SQSTM1: variants seen among roughly 807,000 people sequenced by gnomAD.
SQSTM1 encodes the protein sequestosome-1.
In SQSTM1, 36 loss-of-function variants were observed where a neutral mutation model predicts 45.1. That is an observed-to-expected ratio of 0.80 (90% confidence interval 0.61 to 1.05). The LOEUF is 1.05. SQSTM1 is among the 50% of genes least tolerant of loss of function. The probability of loss-of-function intolerance (pLI) is 0.00; values close to 1 mark genes in which losing one functional copy is unlikely to be tolerated. For synonymous variants in SQSTM1, 290 were observed against 244.3 expected (o/e 1.19, Z -1.74); for missense variants, 617 against 607.1 (o/e 1.02, Z -0.17).
At chr5:179,827,794 A>C (rs927566955) in intron 5 of SQSTM1, among the ~76,000 whole-genome samples, 8 of 152,236 alleles carry the variant, frequency 5.3e-5, no homozygotes, top group Non-Finnish European at 4.4e-5. Context: ...TATAAGCTGG[A>C]TGACTCACAG....
chr5:179,820,829 G>T, upstream of SQSTM1: 1 of 1,129,526 alleles, frequency 8.9e-7, no homozygotes, highest in South Asian at 1.9e-5. Context: ...GGGAGGGCGC[G>T]AGAGACTCCG....
chr5:179,808,318 G>C lies in SQSTM1; in HGVS notation c.-157+1727G>C, dbSNP rs187853840. The C allele has an allele frequency of 7.9e-5, 12 of 152,424 alleles. No homozygotes were observed. In the East Asian group the frequency reaches 2.1e-3, roughly 27 times the overall value. The allele number at this position is 152,424 out of a possible 1,614,324, so 9.4% of individuals were successfully genotyped here. On this transcript the variant is annotated intron_variant, in intron 1 of 5. Coordinates refer to the SQSTM1 transcript ENST00000514093. ...CAGAGGTTGAAGTGGGCTGGATCCT[G>C]AGGCCCCCTGTTAAAGGAGAGGGCT...
chr5:179,806,542 G>C lies in SQSTM1; in HGVS notation c.-206G>C, dbSNP rs538699566. 3.7e-6 allele frequency: 5 copies of C among 1,334,580 alleles called. No homozygotes were observed. Among genetic ancestry groups the C allele is most frequent in the Non-Finnish European group, 4.9e-6 (5 of 1,017,010 alleles). The allele number at this position is 1,334,580 out of a possible 1,614,324, so 82.7% of individuals were successfully genotyped here. On this transcript the variant is annotated 5_prime_UTR_variant, in exon 1 of 6. Coordinates refer to the SQSTM1 transcript ENST00000514093. The surrounding 1 kb of genome is among the most constrained non-coding windows in gnomAD (Gnocchi z 4.6). ...ACAGCGAGAGGAAGGCGCACAGGCA[G>C]AAGAGCAGCAGCGTCAGGAAGGTGC...
At chr5:179,820,365 C>T (rs1750869595), upstream of SQSTM1, 1 of 152,660 alleles carries the variant, frequency 6.6e-6, no homozygotes, top group Middle Eastern at 3.4e-3. Flanking sequence ...ATGCGCTGCC[C>T]ATCACCGAGG....
In SQSTM1 at chr5:179,836,477, T is replaced by G. The variant is rs771657338; in HGVS notation, c.1207T>G (p.Ser403Ala). The G allele has an allele frequency of 6.2e-7, 1 of 1,614,036 alleles. No individual in the cohort carries two copies. Among genetic ancestry groups the G allele is most frequent in the Admixed American group, 1.7e-5 (1 of 59,992 alleles). Residue 403 changes from serine (S) to alanine (A), a missense_variant, in exon 8 of 8, where the codon TCC becomes GCC. Coordinates refer to ENST00000389805, the MANE Select transcript of SQSTM1 (RefSeq NM_003900.5). ...GATTGAGTCCCTCTCCCAGATGCTG[T>G]CCATGGGCTTCTCTGATGAAGGCGG... ...RLIESLSQML[S>A]MGFSDEGGWL... is the part of the protein sequence containing the mutation.
intron 5 of SQSTM1, among the ~76,000 whole-genome samples, chr5:179,826,640 G>A (rs183109827): frequency 1.3e-3 from 184 of 142,068 alleles, no homozygotes; most frequent in African/African-American, 4.5e-3. Flanking sequence ...CACCCTTGTC[G>A]CCTAGGCTGG....
intron 5 of SQSTM1, 65 bp downstream of exon 5, chr5:179,825,291 G>C: frequency 7.4e-7 from 1 of 1,350,802 alleles, no homozygotes; most frequent in Non-Finnish European, 1.1e-6. Context: ...CTTTCACCTG[G>C]AATACTGCAA....
At chr5:179,826,598 G>GTTTTTTTTTTTTTT (rs549477595) in intron 5 of SQSTM1, among the ~76,000 whole-genome samples, 1 of 142,252 alleles carries the variant, frequency 7.0e-6, no homozygotes, top group African/African-American at 2.6e-5. Flanking sequence ...TCGCTAGTCT[G>GTTTTTTTTTTTTTT]TTTTTTTTTT....
At chr5:179,815,455 G>A (rs1454064699), upstream of SQSTM1, among the ~76,000 whole-genome samples, 1 of 151,968 alleles carries the variant, frequency 6.6e-6, no homozygotes, top group East Asian at 1.9e-4. Flanking sequence ...GCAGGCATGG[G>A]GTATACGTCA....
Position 179,836,638 on chromosome 5 carries a change from G to C in SQSTM1, c.*45G>C, listed in dbSNP as rs1758574994. On this transcript the variant is annotated 3_prime_UTR_variant, in exon 8 of 8. Transcript: ENST00000389805. The stretch of plus-strand genomic sequence containing the variant: ...CTGCGTGCCCCTCTTCTGTCTCATA[G>C]TTGTGTTAAGCTTGCGTAGAATTGC... The C allele has an allele frequency of 6.2e-7, 1 of 1,613,876 alleles. No homozygotes were observed.
intron 4 of SQSTM1, among the ~76,000 whole-genome samples, 167 bp from the exon 5 acceptor site, chr5:179,824,979 G>A (rs186133537): frequency 6.6e-6 from 1 of 152,074 alleles, no homozygotes; most frequent in Non-Finnish European, 1.5e-5. Context: ...GGGCCAGGGG[G>A]TGCAGAGTGG....
chr5:179,827,386 G>A (rs1217863907), intron 5 of SQSTM1, among the ~76,000 whole-genome samples: 5 of 152,162 alleles, frequency 3.3e-5, no homozygotes, highest in Admixed American at 6.5e-5. Flanking sequence ...CTGGGTTCAC[G>A]CCATTCTCCT....
chr5:179,816,008 GA>G (rs1757566336), upstream of SQSTM1, among the ~76,000 whole-genome samples: 1 of 152,168 alleles, frequency 6.6e-6, no homozygotes, highest in Non-Finnish European at 1.5e-5. Context: ...TCGGGAGGCT[GA>G]GGGGGAAGAG....
At chr5:179,813,422 A>G (rs1376687096) in intron 2 of SQSTM1, 1 of 152,210 alleles carries the variant, frequency 6.6e-6, no homozygotes, top group African/African-American at 2.4e-5. Flanking sequence ...CCTAGTACAC[A>G]GTGTTGGGAA....
chr5:179,814,520 G>A (rs1280302310), upstream of SQSTM1, among the ~76,000 whole-genome samples: 7 of 152,194 alleles, frequency 4.6e-5, no homozygotes. Flanking sequence ...TATACTCAAA[G>A]CTGTATACCC....
intron 5 of SQSTM1, among the ~76,000 whole-genome samples, chr5:179,832,005 G>C (rs577360778): frequency 6.6e-6 from 1 of 152,140 alleles, no homozygotes; most frequent in East Asian, 1.9e-4. Context: ...GGGTAGTCTC[G>C]ATCTCCTGAT....
Position 179,833,094 on chromosome 5 carries a change from C to T in SQSTM1, c.817C>T (p.Pro273Ser). 1 of 1,614,218 alleles carries T rather than the reference C, an allele frequency of 6.2e-7. No individual in the cohort carries two copies. Among genetic ancestry groups the T allele is most frequent in the African/African-American group, 1.3e-5 (1 of 75,050 alleles). The change falls in exon 6 of 8, where the codon CCA becomes TCA. Residue 273 changes from proline to serine, a missense_variant. Physicochemically the swap from Pro to Ser is moderately conservative, Grantham distance 74. Transcript: ENST00000389805. Reference sequence around the variant, plus strand: ...AAGAAGCCGCCTGACCCCCGTCTCTCCAGAGAGTTCCAGCACAGAGGAGAA... The same window carrying T: ...AAGAAGCCGCCTGACCCCCGTCTCTTCAGAGAGTTCCAGCACAGAGGAGAA... ...GKRSRLTPVS[P>S]ESSSTEEKSS...
intron 2 of SQSTM1, among the ~76,000 whole-genome samples, chr5:179,823,386 C>A (rs551550986): frequency 7.2e-4 from 88 of 122,920 alleles, no homozygotes; most frequent in African/African-American, 2.7e-3. Flanking sequence ...ATCACTTAAA[C>A]CTGGAGAGCG....
rs1316044683 is a variant in SQSTM1, at chr5:179,835,246, C to T, written c.1166-1190C>T. ...GGCTCCTCACATTCCAGACGATGGG[C>T]GGCCAGGCAGAGACGCTCCTCACTT... On this transcript the variant is annotated intron_variant, in intron 7 of 7. Transcript: ENST00000389805. 210 of 176,388 alleles carry T rather than the reference C, an allele frequency of 1.2e-3. 3 individuals carry two copies. The highest frequency in any genetic ancestry group is 7.4e-3 in the South Asian group (90 of 12,104). The allele number at this position is 176,388 out of a possible 1,614,324, so 10.9% of individuals were successfully genotyped here. A position where few individuals can be genotyped will look rare whatever the true frequency, so the allele number is the denominator to read the frequency against.
Sources: gnomAD v4.1 joint callset for allele counts (sites outside exome capture counted in the v4.1 genomes callset) on GRCh38, gnomAD v4.1.1 for gene constraint, Gnocchi (gnomAD v3.1) non-coding constraint, MANE v1.5 for transcripts, NCBI Gene and HGNC (gene_info 2026-07-23, HGNC 2026-07-21) for gene names.